WNT2: variants seen among roughly 807,000 people sequenced by gnomAD.
WNT2 encodes the protein Wnt family member 2, also known as protein Wnt-2.
A neutral mutation model predicts 36.9 loss-of-function variants in WNT2; 12 were observed. The observed-to-expected ratio is 0.33, with a 90% CI of 0.21 to 0.53. The LOEUF (loss-of-function observed/expected upper bound fraction) is 0.53. Ranked by LOEUF, WNT2 falls within the 20% of genes least tolerant of loss-of-function variation. The pLI, the probability that WNT2 is intolerant of heterozygous loss-of-function variation, is 0.95. For synonymous variants in WNT2, 163 were observed against 174.6 expected (o/e 0.93, Z 0.52); for missense variants, 379 against 473.1 (o/e 0.80, Z 1.84).
intron 3 of WNT2, among the ~76,000 whole-genome samples, chr7:117,309,080 C>A (rs1795072501): frequency 6.6e-6 from 1 of 151,580 alleles, no homozygotes; most frequent in African/African-American, 2.4e-5. Context: ...GTGGTTTGAG[C>A]TCCTTGGGAG....
Position 117,278,158 on chromosome 7 carries a change from T to C in WNT2, c.1080A>G (p.Thr360=), listed in dbSNP as rs377110574. 3 of 1,614,200 alleles carry C rather than the reference T, an allele frequency of 1.9e-6. No individual in the cohort carries two copies. Among genetic ancestry groups the C allele is most frequent in the Admixed American group, 1.7e-5 (1 of 60,028 alleles). ...APKNADWTTA[T] Reference sequence around the variant, plus strand: ...TGGATGGTGACGCCTGCTGGGGTCATGTAGCGGTTGTCCAGTCAGCGTTCT... The same window carrying C: ...TGGATGGTGACGCCTGCTGGGGTCACGTAGCGGTTGTCCAGTCAGCGTTCT... Residue 360 remains threonine (T), a synonymous_variant, in exon 5 of 5, where the codon ACA becomes ACG. Coordinates refer to ENST00000265441, the MANE Select transcript of WNT2 (RefSeq NM_003391.3).
Position 117,297,649 on chromosome 7 carries a change from C to G in WNT2, c.816G>C (p.Glu272Asp). The G allele has an allele frequency of 6.2e-7, 1 of 1,613,962 alleles. No homozygotes were observed. The highest frequency in any genetic ancestry group is 1.1e-5 in the South Asian group (1 of 91,082). ...CCCTGATACAGTAGTCTGGAGAATTCTCAAAATACACGAGGTCATTTTTCG... is the reference window on the plus strand; with the variant it reads ...CCCTGATACAGTAGTCTGGAGAATTGTCAAAATACACGAGGTCATTTTTCG... ...KPTKNDLVYF[E>D]NSPDYCIRDR... Residue 272 changes from glutamate to aspartate, a missense_variant, in exon 4 of 5, where the codon GAG (glutamate) becomes GAC (aspartate). Coordinates refer to ENST00000265441, the MANE Select transcript of WNT2 (RefSeq NM_003391.3).
intron 4 of WNT2, among the ~76,000 whole-genome samples, chr7:117,296,709 T>C (rs1287152830): frequency 6.6e-6 from 1 of 152,106 alleles, no homozygotes; most frequent in Non-Finnish European, 1.5e-5. Flanking sequence ...AGCATGAACA[T>C]GTGTAAACCT....
chr7:117,307,455 C>T (rs1795036117), intron 3 of WNT2, among the ~76,000 whole-genome samples: 1 of 151,826 alleles, frequency 6.6e-6, no homozygotes, highest in South Asian at 2.1e-4. Context: ...TGTCTGACAC[C>T]AAAGTCGACA....
chr7:117,306,098 C>T (rs1795009478), intron 3 of WNT2, among the ~76,000 whole-genome samples: 1 of 152,210 alleles, frequency 6.6e-6, no homozygotes, highest in African/African-American at 2.4e-5. Flanking sequence ...GCTTCTCCAT[C>T]CTTCTTTGTG....
intron 3 of WNT2, among the ~76,000 whole-genome samples, chr7:117,312,536 T>C (rs1221251942): frequency 6.6e-6 from 1 of 152,256 alleles, no homozygotes; most frequent in African/African-American, 2.4e-5. Context: ...ATGGTTTCTT[T>C]AGACCTAAAC....
chr7:117,277,156 C>G lies in WNT2; in HGVS notation c.*999G>C, dbSNP rs1222053269. ...CCTCTCTGTCAGCATTTTAGTTCAC[C>G]AATCTTGTATCCCCAAAATTTTCAT... On this transcript the variant is annotated 3_prime_UTR_variant, in exon 5 of 5. Coordinates refer to ENST00000265441, the MANE Select transcript of WNT2 (RefSeq NM_003391.3). The G allele has an allele frequency of 2.7e-5, 4 of 148,592 alleles. No homozygotes were observed. The highest frequency in any genetic ancestry group is 1.4e-4 in the Admixed American group (2 of 14,800). The allele number at this position is 148,592 out of a possible 1,614,324, so 9.2% of individuals were successfully genotyped here. A position where few individuals can be genotyped will look rare whatever the true frequency, so the allele number is the denominator to read the frequency against.
chr7:117,285,573 G>C (rs1794564485), intron 4 of WNT2, among the ~76,000 whole-genome samples: 1 of 152,126 alleles, frequency 6.6e-6, no homozygotes, highest in African/African-American at 2.4e-5. Flanking sequence ...GTACTACACT[G>C]TATCTACAAA....
intron 3 of WNT2, among the ~76,000 whole-genome samples, chr7:117,312,272 TC>T (rs1735316446): frequency 6.6e-6 from 1 of 152,140 alleles, no homozygotes. Context: ...CACATGATCC[TC>T]CCACCTCAGC....
At chr7:117,278,722 C>T (rs979053155) in intron 4 of WNT2, among the ~76,000 whole-genome samples, 7 of 152,226 alleles carry the variant, frequency 4.6e-5, no homozygotes, top group Admixed American at 2.6e-4. Context: ...GATCCTTGAT[C>T]GAGCAGAGCC....
At chr7:117,303,903 G>A (rs577403803) in intron 3 of WNT2, among the ~76,000 whole-genome samples, 9 of 152,148 alleles carry the variant, frequency 5.9e-5, no homozygotes, top group African/African-American at 1.4e-4. Flanking sequence ...CCACCTGCTC[G>A]TCACTTCTCC....
intron 4 of WNT2, among the ~76,000 whole-genome samples, chr7:117,291,303 A>G (rs1473969642): frequency 6.6e-6 from 1 of 152,178 alleles, no homozygotes; most frequent in African/African-American, 2.4e-5. Context: ...GAAGAGGTGG[A>G]GTGTGGCTTG....
chr7:117,293,997 G>C (rs1584682040), intron 4 of WNT2, among the ~76,000 whole-genome samples: 1 of 152,212 alleles, frequency 6.6e-6, no homozygotes, highest in East Asian at 1.9e-4. Context: ...CAGGATGACT[G>C]ACTTGCTAGA....
chr7:117,278,506 G>C, intron 4 of WNT2, 122 bp from the exon 5 acceptor site: 1 of 957,540 alleles, frequency 1.0e-6, no homozygotes, highest in Non-Finnish European at 1.5e-6. Flanking sequence ...CCTACAGCCT[G>C]GGGCTGTTAT....
At chr7:117,293,717 C>G (rs1183332854) in intron 4 of WNT2, among the ~76,000 whole-genome samples, 1 of 151,946 alleles carries the variant, frequency 6.6e-6, no homozygotes, top group East Asian at 1.9e-4. Context: ...ATAGGCCTTT[C>G]CTAATGCAAT....
Position 117,297,905 on chromosome 7 carries a change from T to C in WNT2, c.589-29A>G, listed in dbSNP as rs199931510. 1.6e-4 allele frequency: 255 copies of C among 1,590,500 alleles called. 1 individual carries two copies. The highest frequency in any genetic ancestry group is 2.7e-5 in the Non-Finnish European group (32 of 1,164,826). On this transcript the variant is annotated intron_variant, in intron 3 of 4. Transcript: ENST00000265441. ...CCGAAAAAGACAGGGGCAAGTTCAGTGAGGTTCGAGCAGGTGACACATGCT... is the reference window on the plus strand; with the variant it reads ...CCGAAAAAGACAGGGGCAAGTTCAGCGAGGTTCGAGCAGGTGACACATGCT...
intron 3 of WNT2, among the ~76,000 whole-genome samples, chr7:117,308,702 G>A (rs138449020): frequency 6.4e-4 from 98 of 152,222 alleles, no homozygotes; most frequent in Middle Eastern, 3.4e-3. Flanking sequence ...TTGAAGGGAG[G>A]GTCAGGATGA....
intron 3 of WNT2, among the ~76,000 whole-genome samples, chr7:117,312,148 TTTTG>T (rs760888080): frequency 4.6e-4 from 70 of 152,232 alleles, no homozygotes; most frequent in South Asian, 1.0e-3. Context: ...GAACTAACTT[TTTTG>T]TTTGTTTGTT....
rs1563198066 is a variant in WNT2 at position 117,284,059 on chromosome 7, T to C, written c.854-5675A>G. ...GGCTGCCTAGTGATGGATGACAAAT[T>C]GGCCCTGTTTGGGGGTTTGGATCTA... is the stretch of plus-strand genomic sequence containing the variant. On this transcript the variant is annotated intron_variant, in intron 4 of 4. Coordinates refer to ENST00000265441, the MANE Select transcript of WNT2 (RefSeq NM_003391.3). This position sits in a 1 kb window ranked among gnomAD's most constrained non-coding sequence, Gnocchi z 5.2. Among the ~76,000 whole-genome samples, 1 of 152,122 alleles carries C rather than the reference T, an allele frequency of 6.6e-6. No homozygotes were observed. Among genetic ancestry groups the C allele is most frequent in the Non-Finnish European group, 1.5e-5 (1 of 68,000 alleles).
Sources: gnomAD v4.1 joint callset for allele counts (sites outside exome capture counted in the v4.1 genomes callset) on GRCh38, gnomAD v4.1.1 for gene constraint, Gnocchi (gnomAD v3.1) non-coding constraint, MANE v1.5 for transcripts, NCBI Gene and HGNC (gene_info 2026-07-23, HGNC 2026-07-21) for gene names.